Variants in GPR158 observed in about 807,000 individuals in gnomAD.
GPR158 encodes the protein metabotropic glycine receptor.
In GPR158, 30 loss-of-function variants were observed where a neutral mutation model predicts 78.2. The observed-to-expected ratio is 0.38, with a 90% CI of 0.29 to 0.52. The LOEUF (loss-of-function observed/expected upper bound fraction) is 0.52, where lower values mean the gene tolerates loss of function less well. Ranked by LOEUF, GPR158 falls within the 20% of genes least tolerant of loss-of-function variation. The probability of loss-of-function intolerance (pLI) is 0.83; values close to 1 mark genes in which losing one functional copy is unlikely to be tolerated. For missense variants in GPR158, 1,463 were observed against 1,523.5 expected, an observed-to-expected ratio of 0.96 and a Z score of 0.66; for synonymous variants, 581 against 591.1, an observed-to-expected ratio of 0.98 and a Z score of 0.25.
chr10:25,248,947 G>A (rs1282109491), intron 2 of GPR158, among the ~76,000 whole-genome samples: 3 of 150,844 alleles, frequency 2.0e-5, no homozygotes, highest in Non-Finnish European at 4.4e-5. Flanking sequence ...CTACCCATGA[G>A]CATGGAATGT....
At chr10:25,413,214 C>T (rs952939032) in intron 4 of GPR158, among the ~76,000 whole-genome samples, 1 of 152,156 alleles carries the variant, frequency 6.6e-6, no homozygotes, top group Non-Finnish European at 1.5e-5. Context: ...TGCCTATAGT[C>T]CCAACTATTT....
At chr10:25,285,640 G>A (rs1334863760) in intron 2 of GPR158, among the ~76,000 whole-genome samples, 1 of 152,060 alleles carries the variant, frequency 6.6e-6, no homozygotes, top group Non-Finnish European at 1.5e-5. Flanking sequence ...TGGATCCCTG[G>A]TGGATTGGAT....
intron 2 of GPR158, among the ~76,000 whole-genome samples, chr10:25,383,454 A>G (rs1002010740): frequency 1.3e-5 from 2 of 152,206 alleles, no homozygotes; most frequent in Admixed American, 1.3e-4. Context: ...CTTTGTTTCC[A>G]CTGCAGAGAC....
intron 6 of GPR158, among the ~76,000 whole-genome samples, chr10:25,551,403 T>C (rs1836723296): frequency 6.6e-6 from 1 of 152,168 alleles, no homozygotes; most frequent in Non-Finnish European, 1.5e-5. Context: ...GTAATACAGC[T>C]GAAATAAGGA....
At chr10:25,536,324 A>G (rs978364198) in intron 5 of GPR158, among the ~76,000 whole-genome samples, 1 of 152,180 alleles carries the variant, frequency 6.6e-6, no homozygotes, top group African/African-American at 2.4e-5. Context: ...TCCTTTACAT[A>G]TAGTGGTTTT....
intron 2 of GPR158, among the ~76,000 whole-genome samples, chr10:25,270,783 A>G (rs569004696): frequency 7.1e-4 from 108 of 152,118 alleles, no homozygotes; most frequent in Non-Finnish European, 1.4e-3. Context: ...ATCCAGCAAC[A>G]CCTCAGTTCC....
chr10:25,338,459 ATT>A (rs200658243), intron 2 of GPR158, among the ~76,000 whole-genome samples: 5,851 of 137,604 alleles, frequency 0.043, 122 homozygotes, highest in African/African-American at 0.059. Flanking sequence ...TAATATATAT[ATT>A]ACGTATATTA....
intron 4 of GPR158, among the ~76,000 whole-genome samples, chr10:25,465,731 G>C (rs564790541): frequency 6.6e-6 from 1 of 152,284 alleles, no homozygotes; most frequent in African/African-American, 2.4e-5. Flanking sequence ...CCTTGTGCAT[G>C]TGCTTTTTTT....
Position 25,515,241 on chromosome 10 carries a change from C to A in GPR158, c.1405-35735C>A, listed in dbSNP as rs1013071011. Among the ~76,000 whole-genome samples the A allele has an allele frequency of 1.4e-4, 22 of 151,986 alleles. 1 individual carries two copies. Among genetic ancestry groups the A allele is most frequent in the African/African-American group, 5.1e-4 (21 of 41,406 alleles). On this transcript the variant is annotated intron_variant, in intron 5 of 10. Transcript: ENST00000376351. ...TTGTTGATTAATACAAAAGCCTTGT[C>A]TTTGAGCTCTCAAGTTCTTTCTTCT...
At chr10:25,269,357 C>G (rs1763669982) in intron 2 of GPR158, among the ~76,000 whole-genome samples, 1 of 152,090 alleles carries the variant, frequency 6.6e-6, no homozygotes, top group East Asian at 1.9e-4. Context: ...TATCCTTTGT[C>G]TATGTTTTTA....
chr10:25,291,375 A>C (rs1320956397), intron 2 of GPR158, among the ~76,000 whole-genome samples: 1 of 152,078 alleles, frequency 6.6e-6, no homozygotes, highest in Non-Finnish European at 1.5e-5. Flanking sequence ...CTAGTAGATT[A>C]AAACATATCA....
At chr10:25,370,178 T>G (rs993591323) in intron 2 of GPR158, among the ~76,000 whole-genome samples, 1 of 144,240 alleles carries the variant, frequency 6.9e-6, no homozygotes, top group Non-Finnish European at 1.5e-5. Flanking sequence ...TCAGTTCTGC[T>G]CTGATTTTAG....
At chr10:25,179,553 A>C (rs1325273971) in intron 1 of GPR158, among the ~76,000 whole-genome samples, 1 of 152,190 alleles carries the variant, frequency 6.6e-6, no homozygotes, top group Non-Finnish European at 1.5e-5. Context: ...AGTTCAACAT[A>C]AAAATATCTT....
At chr10:25,329,297 G>A (rs1279781457) in intron 2 of GPR158, among the ~76,000 whole-genome samples, 4 of 151,776 alleles carry the variant, frequency 2.6e-5, no homozygotes, top group African/African-American at 4.8e-5. Context: ...AAAATTAGCC[G>A]GGCGTGGTGG....
At chr10:25,225,203 AAAGCAATGTATAACCCATCTTT>A (rs1853357830) in intron 2 of GPR158, among the ~76,000 whole-genome samples, 2 of 121,920 alleles carry the variant, frequency 1.6e-5, no homozygotes, top group Non-Finnish European at 3.1e-5. Flanking sequence ...TTTTTTGTAT[AAAGCAATGTATAACCCATCTTT>A]AAGCTCAGAA....
At chr10:25,543,676 C>A (rs1303202679) in intron 5 of GPR158, among the ~76,000 whole-genome samples, 2 of 152,090 alleles carry the variant, frequency 1.3e-5, no homozygotes, top group Non-Finnish European at 2.9e-5. Flanking sequence ...ACTCTATGTC[C>A]CTGGGTACTG....
At chr10:25,192,601 A>G (rs1852786847) in intron 1 of GPR158, among the ~76,000 whole-genome samples, 2 of 152,170 alleles carry the variant, frequency 1.3e-5, no homozygotes, top group Admixed American at 6.5e-5. Flanking sequence ...TTACTGTTGT[A>G]AAGAGTAAAC....
intron 2 of GPR158, chr10:25,393,957 G>T (rs1384661692): frequency 6.6e-6 from 1 of 152,092 alleles, no homozygotes; most frequent in Non-Finnish European, 1.5e-5. Flanking sequence ...ATACAGCCCA[G>T]ACATCTCTTC....
rs750582365 is a variant in GPR158, at chr10:25,600,142, C to T, written c.*868C>T. 5 of 152,556 alleles carry T rather than the reference C, an allele frequency of 3.3e-5. No individual in the cohort carries two copies. The highest frequency in any genetic ancestry group is 7.3e-5 in the Non-Finnish European group (5 of 68,030). The allele number at this position is 152,556 out of a possible 1,614,324, so 9.5% of individuals were successfully genotyped here. Reference sequence around the variant, plus strand: ...ACTTGTTTTGCACTTCTTGTTAGGACTCAGAAGCTTTATTAATATTGGAGA... The same window carrying T: ...ACTTGTTTTGCACTTCTTGTTAGGATTCAGAAGCTTTATTAATATTGGAGA... On this transcript the variant is annotated 3_prime_UTR_variant, in exon 11 of 11. Coordinates refer to ENST00000376351, the MANE Select transcript of GPR158 (RefSeq NM_020752.3).
Sources: allele counts gnomAD v4.1 joint callset (sites outside exome capture counted in the v4.1 genomes callset), GRCh38; gene constraint gnomAD v4.1.1; transcripts MANE v1.5; gene names NCBI Gene and HGNC (gene_info 2026-07-23, HGNC 2026-07-21).